The following TCOF1 variants were observed in gnomAD, a reference collection of about 807,000 sequenced individuals.
The protein encoded by TCOF1 is treacle ribosome biogenesis factor 1.
TCOF1 carries 33 observed loss-of-function variants against 149.0 expected under a neutral mutation model. That is an observed-to-expected ratio of 0.22 (90% CI 0.17 to 0.30). The LOEUF is 0.30. TCOF1 is among the 10% of genes least tolerant of loss of function. The pLI is 1.00. For synonymous variants in TCOF1, 789 were observed against 738.8 expected, an observed-to-expected ratio of 1.07 and a Z score of -1.10; for missense variants, 1,728 against 1,840.7, an observed-to-expected ratio of 0.94 and a Z score of 1.12.
chr5:150,361,454 G>A (rs1760073362), intron 2 of TCOF1, among the ~76,000 whole-genome samples: 1 of 152,212 alleles, frequency 6.6e-6, no homozygotes, highest in African/African-American at 2.4e-5. Context: ...CAGCTTGTCA[G>A]TTGCTCAGCA....
chr5:150,376,003 G>GT, intron 12 of TCOF1, 79 bp from the exon 13 acceptor site: 3 of 1,613,682 alleles, frequency 1.9e-6, no homozygotes, highest in Non-Finnish European at 1.7e-6. Context: ...CAGAGCATGG[G>GT]TTTTGGCTGG....
At chr5:150,377,762 T>C (rs546165957) in intron 14 of TCOF1, among the ~76,000 whole-genome samples, 64 of 152,324 alleles carry the variant, frequency 4.2e-4, no homozygotes, top group African/African-American at 1.4e-3. Flanking sequence ...ATTATGCAGC[T>C]CACTTAAATA....
chr5:150,377,828 AT>A (rs1258731080), intron 14 of TCOF1, among the ~76,000 whole-genome samples: 1 of 151,994 alleles, frequency 6.6e-6, no homozygotes, highest in African/African-American at 2.4e-5. Flanking sequence ...TTTTATTTTT[AT>A]TTTTTGAACC....
intron 17 of TCOF1, chr5:150,384,730 T>G (rs2748220): frequency 0.44 from 430,879 of 985,328 alleles, 94,556 homozygotes; most frequent in South Asian, 0.48. Context: ...CCAGGAGGAT[T>G]CGGGGAAGAC....
In TCOF1 at chr5:150,390,013, C is replaced by G. The variant is rs146475678; in HGVS notation, c.3173C>G (p.Pro1058Arg). Residue 1058 changes from proline (P) to arginine (R), a missense_variant, in exon 19 of 27, where the codon CCA (proline) becomes CGA (arginine). By Grantham distance (103) the Pro-to-Arg change is moderately radical. Transcript: ENST00000643257. ...RISDGKKQEGPATQVSKKNPA... is the reference protein window; with the variant it reads ...RISDGKKQEGRATQVSKKNPA... ...TCAGATGGCAAGAAACAGGAGGGAC[C>G]AGCCACTCAGGTACCTGGTGGGCAA... 7 of 1,610,406 alleles carry G rather than the reference C, an allele frequency of 4.3e-6. No homozygotes were observed. The African/African-American group carries it at 9.4e-5, about 22-fold the overall frequency.
In TCOF1 at chr5:150,367,875, C is replaced by A; in HGVS notation, c.336C>A (p.Val112=). Residue 112 remains valine, a synonymous_variant, in exon 4 of 27, where the codon GTC becomes GTA. Coordinates refer to ENST00000643257, the MANE Select transcript of TCOF1 (RefSeq NM_001371623.1). ...GACTAGCATCTACCAACTCCTCAGTCCTGGGGGCGGACTTGCCATCAAGCA... is the reference window on the plus strand; with the variant it reads ...GACTAGCATCTACCAACTCCTCAGTACTGGGGGCGGACTTGCCATCAAGCA... The part of the protein sequence containing the change: ...TPRLASTNSS[V]LGADLPSSMK... 1 of 1,614,188 alleles carries A rather than the reference C, an allele frequency of 6.2e-7. No individual in the cohort carries two copies. The highest frequency in any genetic ancestry group is 1.6e-4 in the Middle Eastern group (1 of 6,062).
chr5:150,382,136 A>G (rs755590650), intron 17 of TCOF1, among the ~76,000 whole-genome samples: 1 of 152,100 alleles, frequency 6.6e-6, no homozygotes, highest in Non-Finnish European at 1.5e-5. Flanking sequence ...AGCCTGGGCA[A>G]CAGAGTGAGC....
In TCOF1 at chr5:150,396,394, C is replaced by T; in HGVS notation, c.3897C>T (p.Cys1299=). ...TLALQSNITQ[C]LLGQPWPLNE... ...CGCTGCAAAGCAACATCACCCAGTG[C>T]CTCCTGGGCCAACCCTGGCCCCTGA... Residue 1299 remains cysteine (C), a synonymous_variant, in exon 24 of 27, where the codon TGC becomes TGT. Transcript: ENST00000643257. 6.2e-7 allele frequency: 1 copy of T among 1,614,054 alleles called. No individual in the cohort carries two copies.
At chr5:150,357,897 T>C (rs1207633539) in intron 1 of TCOF1, 43 bp downstream of exon 1, 1 of 1,538,554 alleles carries the variant, frequency 6.5e-7, no homozygotes, top group African/African-American at 1.4e-5. Context: ...GTGCAAGATG[T>C]GGAGATCAGC....
chr5:150,387,273 A>G (rs1281408000), intron 17 of TCOF1, among the ~76,000 whole-genome samples: 1 of 152,208 alleles, frequency 6.6e-6, no homozygotes, highest in African/African-American at 2.4e-5. Flanking sequence ...TTAATCCTCT[A>G]AGTCTTAATC....
chr5:150,381,816 T>TA (rs1765265820), intron 17 of TCOF1, among the ~76,000 whole-genome samples: 1 of 152,212 alleles, frequency 6.6e-6, no homozygotes, highest in Non-Finnish European at 1.5e-5. Context: ...CTGGTTCCTT[T>TA]AGCTGAGCGT....
chr5:150,381,595 T>C (rs1270888006), intron 17 of TCOF1, among the ~76,000 whole-genome samples: 1 of 152,256 alleles, frequency 6.6e-6, no homozygotes, highest in Non-Finnish European at 1.5e-5. Flanking sequence ...AGGTGCTTGT[T>C]ACTGGTAGAT....
chr5:150,377,616 C>G lies in TCOF1; in HGVS notation c.2340+996C>G, dbSNP rs1164601266. ...TACTGATTTTTTTTTGTCCTCCTCT[C>G]GTTGACTTGTGGGACCTCAGGGCTC... On this transcript the variant is annotated intron_variant, in intron 14 of 26. Coordinates refer to ENST00000643257, the MANE Select transcript of TCOF1 (RefSeq NM_001371623.1). Among the ~76,000 whole-genome samples, 4 of 152,020 alleles carry G rather than the reference C, an allele frequency of 2.6e-5. No homozygotes were observed. The East Asian group carries it at 7.7e-4, about 29-fold the overall frequency.
At chr5:150,373,404 CT>C (rs1762978625) in intron 7 of TCOF1, among the ~76,000 whole-genome samples, 1 of 152,206 alleles carries the variant, frequency 6.6e-6, no homozygotes, top group Non-Finnish European at 1.5e-5. Flanking sequence ...TAAAAAGGAG[CT>C]AGCCAAGCAA....
In TCOF1 at chr5:150,375,734, G is replaced by A; in HGVS notation, c.1718G>A (p.Gly573Glu). 1 of 1,614,254 alleles carries A rather than the reference G, an allele frequency of 6.2e-7. No individual in the cohort carries two copies. The highest frequency in any genetic ancestry group is 8.5e-7 in the Non-Finnish European group (1 of 1,180,046). Residue 573 changes from glycine (G) to glutamate (E), a missense_variant, in exon 12 of 27, where the codon GGG becomes GAG. Around this residue, in one of 2 missense-constraint regions of TCOF1, gnomAD observed 1,696 missense variants for 1,765.4 expected, o/e 0.96. Coordinates refer to ENST00000643257, the MANE Select transcript of TCOF1 (RefSeq NM_001371623.1). ...ATCTCACTCCAGGAAAAGTCCTTGGGGAACATCCTCCAGGCCAAACCCACC... is the reference window on the plus strand; with the variant it reads ...ATCTCACTCCAGGAAAAGTCCTTGGAGAACATCCTCCAGGCCAAACCCACC... ...AVAPAQEKSL[G>E]NILQAKPTSS... is the part of the protein sequence containing the mutation.
At chr5:150,398,879 A>G (rs1311972783) in intron 25 of TCOF1, 143 bp from the exon 26 acceptor site, 2 of 1,149,498 alleles carry the variant, frequency 1.7e-6, no homozygotes, top group Non-Finnish European at 2.6e-6. Flanking sequence ...GGAGAGCTGA[A>G]CATCTGTTTG....
intron 5 of TCOF1, 112 bp downstream of exon 5, chr5:150,369,014 G>C: frequency 7.3e-7 from 1 of 1,376,298 alleles, no homozygotes; most frequent in East Asian, 2.4e-5. Flanking sequence ...TTTGTCTCCA[G>C]GACAGCCAGG....
At chr5:150,377,172 C>T (rs766373706) in intron 14 of TCOF1, among the ~76,000 whole-genome samples, 2 of 152,212 alleles carry the variant, frequency 1.3e-5, no homozygotes, top group Non-Finnish European at 2.9e-5. Context: ...GCTTGGGTGC[C>T]TTGCCACAGG....
chr5:150,383,812 G>A, intron 17 of TCOF1: 2 of 1,551,646 alleles, frequency 1.3e-6, no homozygotes, highest in Non-Finnish European at 1.7e-6. Context: ...ACCTTCATGT[G>A]CTCCACTGCA....
Sources: allele counts gnomAD v4.1 joint callset (sites outside exome capture counted in the v4.1 genomes callset), GRCh38; gene constraint gnomAD v4.1.1; regional missense constraint gnomAD v4.1.1; transcripts MANE v1.5; gene names NCBI Gene and HGNC (gene_info 2026-07-23, HGNC 2026-07-21).